Variants in CALD1 observed in about 807,000 individuals in gnomAD.
CALD1 encodes caldesmon 1.
CALD1 carries 33 observed loss-of-function variants against 99.9 expected under a neutral mutation model. The observed-to-expected ratio is 0.33, with a 90% CI of 0.25 to 0.44. The LOEUF (loss-of-function observed/expected upper bound fraction) is 0.44. CALD1 is among the 20% of genes least tolerant of loss of function. The pLI is 1.00. For synonymous variants in CALD1, 310 were observed against 325.0 expected, an observed-to-expected ratio of 0.95 and a Z score of 0.50; for missense variants, 861 against 962.1, an observed-to-expected ratio of 0.89 and a Z score of 1.39.
chr7:134,968,400 G>A lies in CALD1; in HGVS notation c.*55G>A. 6.5e-7 allele frequency: 1 copy of A among 1,540,556 alleles called. No individual in the cohort carries two copies. The highest frequency in any genetic ancestry group is 9.0e-7 in the Non-Finnish European group (1 of 1,113,260). ...ACGCAGGACGAGCTCAGTTGTAGAG[G>A]GCTAATTCGCTCTGTTTTGTATTTA... On this transcript the variant is annotated 3_prime_UTR_variant, in exon 15 of 15. Transcript: ENST00000361675.
At chr7:134,903,827 G>A (rs1177074297) in intron 3 of CALD1, among the ~76,000 whole-genome samples, 1 of 152,094 alleles carries the variant, frequency 6.6e-6, no homozygotes, top group African/African-American at 2.4e-5. Flanking sequence ...TGGGAGTTAG[G>A]TCGTCCACAT....
chr7:134,828,369 A>C (rs184582667), intron 1 of CALD1, among the ~76,000 whole-genome samples: 1 of 152,234 alleles, frequency 6.6e-6, no homozygotes, highest in African/African-American at 2.4e-5. Context: ...CAGCTAGACC[A>C]AAGTCAGATT....
At chr7:134,894,430 T>C (rs959994163) in intron 3 of CALD1, among the ~76,000 whole-genome samples, 5 of 152,242 alleles carry the variant, frequency 3.3e-5, no homozygotes, top group African/African-American at 1.2e-4. Flanking sequence ...AGTTTCCTAT[T>C]ATTGAGTAAA....
At chr7:134,785,074 T>A (rs1330174241) in intron 1 of CALD1, among the ~76,000 whole-genome samples, 1 of 152,096 alleles carries the variant, frequency 6.6e-6, no homozygotes, top group Non-Finnish European at 1.5e-5. Flanking sequence ...AATGGGTAAT[T>A]TTAGTTAGAA....
At chr7:134,762,050 C>T (rs1004148011) in intron 1 of CALD1, among the ~76,000 whole-genome samples, 1 of 152,182 alleles carries the variant, frequency 6.6e-6, no homozygotes, top group Admixed American at 6.5e-5. Context: ...GAGCACTTTT[C>T]CTATTGGCTG....
intron 3 of CALD1, among the ~76,000 whole-genome samples, chr7:134,878,545 G>C (rs1801454388): frequency 6.6e-6 from 1 of 152,066 alleles, no homozygotes; most frequent in Non-Finnish European, 1.5e-5. Context: ...TTCCAGCCTG[G>C]GTGATAGAGC....
In CALD1 at chr7:134,928,859, G is replaced by A. The variant is rs1223233283; in HGVS notation, c.177G>A (p.Leu59=). 2 of 1,613,942 alleles carry A rather than the reference G, an allele frequency of 1.2e-6. No homozygotes were observed. The highest frequency in any genetic ancestry group is 1.3e-5 in the African/African-American group (1 of 75,056). ...GGCAGAAGCAGGAGGAAGAATCCTT[G>A]GGACAGGTGACCGACCAGGTGGAGG... ...RLRQKQEEES[L]GQVTDQVEVN... Residue 59 remains leucine, a synonymous_variant, in exon 4 of 15, where the codon TTG becomes TTA. Transcript: ENST00000361675.
At chr7:134,727,307 C>A in the CALD1 span, among the ~76,000 whole-genome samples, 2 of 152,238 alleles carry the variant, frequency 1.3e-5, no homozygotes, top group Admixed American at 1.3e-4. Context: ...GCGATCGTAG[C>A]ACATGCAACT....
chr7:134,811,862 A>G (rs1436945764), intron 1 of CALD1, among the ~76,000 whole-genome samples: 2 of 152,194 alleles, frequency 1.3e-5, no homozygotes, highest in African/African-American at 2.4e-5. Flanking sequence ...AACATTAAGA[A>G]TGTGACATCC....
intron 2 of CALD1, among the ~76,000 whole-genome samples, chr7:134,846,809 C>G (rs1220457637): frequency 1.3e-5 from 2 of 152,242 alleles, no homozygotes; most frequent in African/African-American, 4.8e-5. Flanking sequence ...CACTTCCACA[C>G]TTTCCTCTTT....
In CALD1 at chr7:134,968,421, A is replaced by T; in HGVS notation, c.*76A>T. The T allele has an allele frequency of 7.9e-7, 1 of 1,263,434 alleles. No homozygotes were observed. Among genetic ancestry groups the T allele is most frequent in the Non-Finnish European group, 1.2e-6 (1 of 861,820 alleles). 78.3% of individuals were successfully genotyped at this position (1,263,434 alleles called of 1,614,324 possible). ...AGAGGGCTAATTCGCTCTGTTTTGT[A>T]TTTATGTTGATTTACTAAATTGGGT... On this transcript the variant is annotated 3_prime_UTR_variant, in exon 15 of 15. Transcript: ENST00000361675.
chr7:134,810,673 C>T (rs767792968), intron 1 of CALD1, among the ~76,000 whole-genome samples: 12 of 152,140 alleles, frequency 7.9e-5, no homozygotes, highest in Admixed American at 1.3e-4. Context: ...ATTTTTGAAA[C>T]GGCAGCAGTT....
intron 1 of CALD1, among the ~76,000 whole-genome samples, chr7:134,770,756 T>C (rs543733580): frequency 1.3e-5 from 2 of 152,318 alleles, no homozygotes; most frequent in Non-Finnish European, 2.9e-5. Flanking sequence ...CTCAACCCAC[T>C]GCATGGGGGA....
chr7:134,778,899 C>A (rs1796993505), upstream of CALD1, among the ~76,000 whole-genome samples: 1 of 152,126 alleles, frequency 6.6e-6, no homozygotes, highest in South Asian at 2.1e-4. Flanking sequence ...GATATCCAAG[C>A]CTGTAGGACC....
chr7:134,754,586 C>T (rs994471), intron 1 of CALD1, among the ~76,000 whole-genome samples: 101,296 of 152,076 alleles, frequency 0.67, 34,355 homozygotes, highest in East Asian at 0.99. Context: ...GGAAGGACTG[C>T]TTGACATACA....
At chr7:134,830,248 G>T (rs1201543598) in intron 1 of CALD1, among the ~76,000 whole-genome samples, 2 of 152,164 alleles carry the variant, frequency 1.3e-5, no homozygotes, top group Admixed American at 1.3e-4. Context: ...CTACTATGAT[G>T]TGTGTTATCT....
At chr7:134,931,353 T>C (rs140039539) in intron 4 of CALD1, among the ~76,000 whole-genome samples, 8 of 152,350 alleles carry the variant, frequency 5.3e-5, no homozygotes, top group African/African-American at 9.6e-5. Context: ...TAGAATTCAA[T>C]TGATCCAAAT....
chr7:134,882,164 C>A (rs1367402250), intron 3 of CALD1, among the ~76,000 whole-genome samples: 1 of 152,182 alleles, frequency 6.6e-6, no homozygotes, highest in Non-Finnish European at 1.5e-5. Context: ...ACAACTGTGA[C>A]AAATGTGCTA....
intron 1 of CALD1, among the ~76,000 whole-genome samples, chr7:134,811,843 A>G (rs1798363703): frequency 1.3e-5 from 2 of 152,202 alleles, no homozygotes; most frequent in South Asian, 4.1e-4. Flanking sequence ...TTTTGTTTGA[A>G]AGGGTCAAAA....
Sources: gnomAD v4.1 joint callset for allele counts (sites outside exome capture counted in the v4.1 genomes callset) on GRCh38, gnomAD v4.1.1 for gene constraint, MANE v1.5 for transcripts, NCBI Gene and HGNC (gene_info 2026-07-23, HGNC 2026-07-21) for gene names.